Variants in PACS1 observed in about 807,000 individuals in gnomAD.
PACS1 encodes phosphofurin acidic cluster sorting protein 1, also known as PACS-1.
In PACS1, 24 loss-of-function variants were observed where a neutral mutation model predicts 115.0. The observed-to-expected ratio is 0.21, with a 90% CI of 0.15 to 0.29. The LOEUF (loss-of-function observed/expected upper bound fraction) is 0.29. Among genes scored for constraint, PACS1 ranks in the 10% least tolerant of loss-of-function variants. The pLI, the probability that PACS1 is intolerant of heterozygous loss-of-function variation, is 1.00. For missense variants in PACS1, 838 were observed against 1,251.2 expected, an observed-to-expected ratio of 0.67 and a Z score of 4.98; for synonymous variants, 453 against 504.5, an observed-to-expected ratio of 0.90 and a Z score of 1.37.
chr11:66,127,037 T>C (rs988851561), intron 1 of PACS1, among the ~76,000 whole-genome samples: 49 of 151,988 alleles, frequency 3.2e-4, no homozygotes, highest in African/African-American at 1.1e-3. Context: ...ACGACTTTCT[T>C]TTCTTTCCCA....
chr11:66,187,363 T>G (rs1854407459), intron 1 of PACS1, among the ~76,000 whole-genome samples: 1 of 152,126 alleles, frequency 6.6e-6, no homozygotes, highest in Non-Finnish European at 1.5e-5. Context: ...TAATTAATAT[T>G]ATTATTAACT....
chr11:66,122,906 CTT>C (rs973248535), intron 1 of PACS1, among the ~76,000 whole-genome samples: 2 of 152,194 alleles, frequency 1.3e-5, no homozygotes, highest in Non-Finnish European at 2.9e-5. Flanking sequence ...ATTACATAAA[CTT>C]AGTGATAAAG....
intron 1 of PACS1, among the ~76,000 whole-genome samples, chr11:66,123,437 C>G (rs1858491903): frequency 6.6e-6 from 1 of 152,164 alleles, no homozygotes; most frequent in Non-Finnish European, 1.5e-5. Context: ...GGTGATCCAC[C>G]TGCCTCGGCC....
At chr11:66,177,688 G>C (rs1859900775) in intron 1 of PACS1, among the ~76,000 whole-genome samples, 1 of 151,980 alleles carries the variant, frequency 6.6e-6, no homozygotes, top group Admixed American at 6.6e-5. Context: ...ATAGCTCACT[G>C]TAGCCTTGAC....
intron 1 of PACS1, among the ~76,000 whole-genome samples, chr11:66,188,649 C>T (rs983770344): frequency 2.6e-5 from 4 of 152,132 alleles, no homozygotes; most frequent in African/African-American, 9.7e-5. Flanking sequence ...GCATGAGAAG[C>T]GCCCACCAGT....
In PACS1 at chr11:66,232,989, G is replaced by A; in HGVS notation, c.1761G>A (p.Arg587=). 2 of 1,612,918 alleles carry A rather than the reference G, an allele frequency of 1.2e-6. No homozygotes were observed. The highest frequency in any genetic ancestry group is 1.7e-6 in the Non-Finnish European group (2 of 1,179,980). Reference sequence around the variant, plus strand: ...TGGCTGAGCTGCTCCAGGACCAGCGGAAGCCTGTGGTGTGCACCTGCTCCA... The same window carrying A: ...TGGCTGAGCTGCTCCAGGACCAGCGAAAGCCTGTGGTGTGCACCTGCTCCA... ...QYVAELLQDQ[R]KPVVCTCSTV... Residue 587 remains arginine, a synonymous_variant, in exon 15 of 24, where the codon CGG becomes CGA. Transcript: ENST00000320580.
At chr11:66,072,834 T>C (rs1857332296) in intron 1 of PACS1, among the ~76,000 whole-genome samples, 1 of 152,326 alleles carries the variant, frequency 6.6e-6, no homozygotes, top group South Asian at 2.1e-4. Flanking sequence ...TCTCGTTAGG[T>C]TGAAAAGGCG....
intron 1 of PACS1, among the ~76,000 whole-genome samples, chr11:66,180,404 G>T (rs543107069): frequency 6.6e-6 from 1 of 151,974 alleles, no homozygotes; most frequent in South Asian, 2.1e-4. Flanking sequence ...TGCCAGGCTG[G>T]AGTGCAGTGG....
At position 66,136,046 on chromosome 11, in the gene PACS1, T is replaced by C. The variant is rs933371051; in HGVS notation, c.357-57440T>C. ...CACTGTCCACCTGTCAGTTGAATTATTGAGCTACTGATTTGTCTGTGACTT... is the reference window on the plus strand; with the variant it reads ...CACTGTCCACCTGTCAGTTGAATTACTGAGCTACTGATTTGTCTGTGACTT... On this transcript the variant is annotated intron_variant, in intron 1 of 23. Transcript: ENST00000320580. Among the ~76,000 whole-genome samples, 3 of 152,194 alleles carry C rather than the reference T, an allele frequency of 2.0e-5. 1 individual carries two copies. In the South Asian group the frequency reaches 6.2e-4, roughly 31 times the overall value.
chr11:66,101,942 T>A (rs1175623184), intron 1 of PACS1, among the ~76,000 whole-genome samples: 1 of 152,224 alleles, frequency 6.6e-6, no homozygotes, highest in East Asian at 1.9e-4. Context: ...CATTAAGTTC[T>A]GATCTTTAAA....
intron 1 of PACS1, among the ~76,000 whole-genome samples, chr11:66,081,424 C>A (rs898666747): frequency 6.6e-6 from 1 of 151,902 alleles, no homozygotes; most frequent in Non-Finnish European, 1.5e-5. Context: ...CCCTGCCCCC[C>A]CCAACCAAAA....
intron 13 of PACS1, among the ~76,000 whole-genome samples, chr11:66,231,180 T>C (rs1855585015): frequency 6.6e-6 from 1 of 152,280 alleles, no homozygotes; most frequent in East Asian, 1.9e-4. Flanking sequence ...CCAAAAACGC[T>C]GTGTGGTCGT....
chr11:66,215,908 T>A lies in PACS1; in HGVS notation c.661-211T>A, dbSNP rs866920912. Among the ~76,000 whole-genome samples the A allele has an allele frequency of 7.3e-3, 729 of 99,298 alleles. 11 individuals carry two copies. The highest frequency in any genetic ancestry group is 0.028 in the African/African-American group (681 of 24,394). 65.1% of individuals were successfully genotyped at this position (99,298 alleles called of 152,430 possible). On this transcript the variant is annotated intron_variant, in intron 4 of 23. Transcript: ENST00000320580. Reference sequence around the variant, plus strand: ...GTGAGAGACTCCGTCTCAAAAATAATAATAATAATAATAATAATAATAATA... The same window carrying A: ...GTGAGAGACTCCGTCTCAAAAATAAAAATAATAATAATAATAATAATAATA...
intron 1 of PACS1, among the ~76,000 whole-genome samples, chr11:66,125,104 T>C (rs1297776015): frequency 6.6e-6 from 1 of 152,178 alleles, no homozygotes; most frequent in African/African-American, 2.4e-5. Flanking sequence ...TGGTGAACAA[T>C]AAATTCTTTT....
At position 66,230,896 on chromosome 11, in the gene PACS1, A is replaced by G. The variant is rs1302186493; in HGVS notation, c.1582A>G (p.Ser528Gly). Residue 528 changes from serine to glycine, a missense_variant, in exon 13 of 24, where the codon AGT becomes GGT. This residue lies in a region of PACS1 where 383 missense variants were observed against 537.0 expected (regional missense o/e 0.71). Coordinates refer to ENST00000320580, the MANE Select transcript of PACS1 (RefSeq NM_018026.4). ...CAAGCCCCTAAGTGAGAGGACCAAC[A>G]GTTCCGACAGCGAGCGCTCCCCAGA... ...LSKPLSERTN[S>G]SDSERSPDLG... The G allele has an allele frequency of 1.2e-5, 19 of 1,614,220 alleles. No individual in the cohort carries two copies. The highest frequency in any genetic ancestry group is 1.5e-5 in the Non-Finnish European group (18 of 1,180,034).
In PACS1 at chr11:66,218,759, C is replaced by T. The variant is rs189202225; in HGVS notation, c.979-987C>T. 2.2e-3 allele frequency: 329 copies of T among 151,810 alleles called. 1 individual carries two copies. The highest frequency in any genetic ancestry group is 6.2e-3 in the Admixed American group (94 of 15,212). The allele number at this position is 151,810 out of a possible 1,614,324, so 9.4% of individuals were successfully genotyped here. A position where few individuals can be genotyped will look rare whatever the true frequency, so the allele number is the denominator to read the frequency against. On this transcript the variant is annotated intron_variant, in intron 7 of 23. Transcript: ENST00000320580. Reference sequence around the variant, plus strand: ...CCTGTAATCCCAGCTACTCAGGAGGCTGAGGCAGGAGAGTCACTTGAACCA... The same window carrying T: ...CCTGTAATCCCAGCTACTCAGGAGGTTGAGGCAGGAGAGTCACTTGAACCA...
chr11:66,143,539 T>G (rs1037817692), intron 1 of PACS1, among the ~76,000 whole-genome samples: 13 of 152,194 alleles, frequency 8.5e-5, no homozygotes, highest in African/African-American at 3.1e-4. Context: ...GTTCTACCAC[T>G]AACCCCCAGG....
intron 1 of PACS1, among the ~76,000 whole-genome samples, chr11:66,191,032 C>T (rs1165602188): frequency 1.3e-5 from 2 of 152,232 alleles, no homozygotes; most frequent in Non-Finnish European, 2.9e-5. Context: ...CGTTTATTAT[C>T]TTGCATTTCT....
At chr11:66,213,701 C>G (rs2134705064) in intron 4 of PACS1, among the ~76,000 whole-genome samples, 1 of 152,334 alleles carries the variant, frequency 6.6e-6, no homozygotes, top group East Asian at 1.9e-4. Flanking sequence ...TATAGCTTTT[C>G]TTTCTCCATG....
Sources: allele counts gnomAD v4.1 joint callset (sites outside exome capture counted in the v4.1 genomes callset), GRCh38; gene constraint gnomAD v4.1.1; regional missense constraint gnomAD v4.1.1; transcripts MANE v1.5; gene names NCBI Gene and HGNC (gene_info 2026-07-23, HGNC 2026-07-21).